Variants in CHRNA7 observed in about 807,000 individuals in gnomAD.
The protein encoded by CHRNA7 is neuronal acetylcholine receptor subunit alpha-7.
A neutral mutation model predicts 48.0 loss-of-function variants in CHRNA7; 17 were observed. That is an observed-to-expected ratio of 0.35 (90% confidence interval 0.24 to 0.53). The LOEUF is 0.53. CHRNA7 is among the 20% of genes least tolerant of loss of function. The pLI, the probability that CHRNA7 is intolerant of heterozygous loss-of-function variation, is 0.92. For synonymous variants in CHRNA7, 75 were observed against 242.3 expected (o/e 0.31, Z 6.41); for missense variants, 155 against 577.7 (o/e 0.27, Z 7.50).
chr15:32,114,221 G>A (rs2050829184), intron 4 of CHRNA7, among the ~76,000 whole-genome samples: 1 of 151,598 alleles, frequency 6.6e-6, no homozygotes, highest in African/African-American at 2.4e-5. Flanking sequence ...GGTTACAAGA[G>A]GCAGTTTATA....
chr15:32,148,287 G>A (rs1472045893), intron 4 of CHRNA7, among the ~76,000 whole-genome samples: 2 of 152,146 alleles, frequency 1.3e-5, no homozygotes, highest in African/African-American at 4.8e-5. Context: ...AGTTGGTCTT[G>A]CTGGACTTCT....
At chr15:32,063,901 A>G (rs1205179069) in intron 2 of CHRNA7, among the ~76,000 whole-genome samples, 1 of 152,192 alleles carries the variant, frequency 6.6e-6, no homozygotes, top group African/African-American at 2.4e-5. Context: ...GCCATTCTCC[A>G]TTTGTGGATC....
intron 2 of CHRNA7, among the ~76,000 whole-genome samples, chr15:32,077,873 T>G (rs1606660): frequency 0.81 from 123,270 of 152,062 alleles, 51,227 homozygotes; most frequent in Non-Finnish European, 0.91. Flanking sequence ...TAGCACTCAC[T>G]GCTCTTATGG....
chr15:32,123,873 T>C (rs978547418), intron 4 of CHRNA7, among the ~76,000 whole-genome samples: 1 of 151,748 alleles, frequency 6.6e-6, no homozygotes, highest in Non-Finnish European at 1.5e-5. Context: ...TCATCTGTCT[T>C]TTGTCAGTTT....
chr15:32,083,169 G>T (rs1336272843), intron 2 of CHRNA7, among the ~76,000 whole-genome samples: 3 of 152,148 alleles, frequency 2.0e-5, no homozygotes, highest in Non-Finnish European at 4.4e-5. Flanking sequence ...CTGGGAAGTG[G>T]GCCTAATAGG....
intron 2 of CHRNA7, among the ~76,000 whole-genome samples, chr15:32,071,067 CT>C (rs1445873457): frequency 1.3e-5 from 2 of 152,068 alleles, no homozygotes; most frequent in African/African-American, 2.4e-5. Context: ...CATTGAATTG[CT>C]TTTGCACATC....
At chr15:32,112,569 T>C (rs1261092962) in intron 4 of CHRNA7, among the ~76,000 whole-genome samples, 1 of 152,216 alleles carries the variant, frequency 6.6e-6, no homozygotes, top group Non-Finnish European at 1.5e-5. Flanking sequence ...CTCGTTAAAC[T>C]GCATAGTCAA....
At chr15:32,030,802 G>C (rs1403228240) in intron 1 of CHRNA7, 96 bp from the exon 2 acceptor site, 4 of 1,524,046 alleles carry the variant, frequency 2.6e-6, no homozygotes, top group Non-Finnish European at 3.5e-6. Context: ...TGTCTGGGCT[G>C]CACCGGGTGG....
chr15:32,087,801 T>TTG (rs2050322494), intron 2 of CHRNA7, among the ~76,000 whole-genome samples: 1 of 152,348 alleles, frequency 6.6e-6, no homozygotes, highest in East Asian at 1.9e-4. Context: ...GATACACAGT[T>TTG]CCTTGCAGAA....
At position 32,071,381 on chromosome 15, in the gene CHRNA7, A is replaced by G. The variant is rs887914354; in HGVS notation, c.196-29922A>G. Reference sequence around the variant, plus strand: ...TTTGAGGAATGTTAGCATATTTATTATATTATTTCAGTTTGTGAATATGTC... The same window carrying G: ...TTTGAGGAATGTTAGCATATTTATTGTATTATTTCAGTTTGTGAATATGTC... On this transcript the variant is annotated intron_variant, in intron 2 of 9. Transcript: ENST00000306901. Among the ~76,000 whole-genome samples the G allele has an allele frequency of 2.0e-5, 3 of 152,264 alleles. No individual in the cohort carries two copies. The East Asian group carries it at 5.8e-4, about 29-fold the overall frequency.
intron 3 of CHRNA7, chr15:32,111,473 A>T (rs1319240013): frequency 1.3e-5 from 3 of 238,024 alleles, no homozygotes; most frequent in Non-Finnish European, 2.4e-5. Flanking sequence ...CAAAACAGTT[A>T]TTCATTTGGC....
chr15:32,082,065 A>C (rs141646110), intron 2 of CHRNA7, among the ~76,000 whole-genome samples: 69 of 152,148 alleles, frequency 4.5e-4, no homozygotes, highest in Middle Eastern at 3.4e-3. Context: ...AATGAATAAT[A>C]CTTTGTCATT....
intron 2 of CHRNA7, among the ~76,000 whole-genome samples, chr15:32,077,904 C>G (rs541715973): frequency 6.6e-6 from 1 of 152,154 alleles, no homozygotes. Flanking sequence ...AGTGGTAACT[C>G]ATTACCAGGA....
In CHRNA7 at chr15:32,109,155, A is replaced by G. The variant is rs573467488; in HGVS notation, c.241-2635A>G. Among the ~76,000 whole-genome samples, 61 of 152,322 alleles carry G rather than the reference A, an allele frequency of 4.0e-4. No homozygotes were observed. In the South Asian group the frequency reaches 9.9e-3, roughly 25 times the overall value. The stretch of plus-strand genomic sequence containing the variant: ...CAGCCCCGAAGGCTGCTGGTTGCCC[A>G]TTTTTATGGTTATTTCTTGATAGGC... On this transcript the variant is annotated intron_variant, in intron 3 of 9. Transcript: ENST00000306901.
Position 32,103,987 on chromosome 15 carries a change from C to T in CHRNA7, c.240+2640C>T, listed in dbSNP as rs1047654927. Among the ~76,000 whole-genome samples the T allele has an allele frequency of 3.9e-5, 6 of 152,178 alleles. No homozygotes were observed. The South Asian group carries it at 8.3e-4, about 21-fold the overall frequency. On this transcript the variant is annotated intron_variant, in intron 3 of 9. Coordinates refer to ENST00000306901, the MANE Select transcript of CHRNA7 (RefSeq NM_000746.6). ...CCTGGTCTACATGGGTGTCATCTCTCACCTCCATTATTAGGAGTCCCCATC... is the reference window on the plus strand; with the variant it reads ...CCTGGTCTACATGGGTGTCATCTCTTACCTCCATTATTAGGAGTCCCCATC...
intron 4 of CHRNA7, among the ~76,000 whole-genome samples, chr15:32,142,846 T>C (rs575652077): frequency 2.0e-5 from 3 of 152,332 alleles, no homozygotes; most frequent in African/African-American, 7.2e-5. Context: ...TCTGTCTATT[T>C]TGTTGATCTT....
At chr15:32,150,042 AT>A (rs910538686) in intron 4 of CHRNA7, among the ~76,000 whole-genome samples, 45 of 152,082 alleles carry the variant, frequency 3.0e-4, no homozygotes, top group African/African-American at 1.1e-3. Flanking sequence ...TATTTCAAAA[AT>A]ATTTATGTTT....
chr15:32,057,223 C>T (rs1394915698), intron 2 of CHRNA7, among the ~76,000 whole-genome samples: 3 of 152,184 alleles, frequency 2.0e-5, no homozygotes, highest in Non-Finnish European at 4.4e-5. Context: ...AGATAGTCTC[C>T]AGCCAGTGGC....
rs905039503 is a variant in CHRNA7 at position 32,030,902 on chromosome 15, C to G, written c.60C>G (p.Ser20=). Residue 20 remains serine (S), a synonymous_variant, in exon 2 of 10, where the codon TCC becomes TCG. Coordinates refer to ENST00000306901, the MANE Select transcript of CHRNA7 (RefSeq NM_000746.6). ...CCCGGGTCTTCTCTCCTTAAGTGTC[C>G]CTGCAAGGCGAGTTCCAGAGGAAGC... ...LALAASLLHV[S]LQGEFQRKLY... is the part of the protein sequence containing the mutation. The G allele has an allele frequency of 6.2e-7, 1 of 1,613,820 alleles. No individual in the cohort carries two copies. Among genetic ancestry groups the G allele is most frequent in the African/African-American group, 1.3e-5 (1 of 74,946 alleles).
Sources: gnomAD v4.1 joint callset for allele counts (sites outside exome capture counted in the v4.1 genomes callset) on GRCh38, gnomAD v4.1.1 for gene constraint, MANE v1.5 for transcripts, NCBI Gene and HGNC (gene_info 2026-07-23, HGNC 2026-07-21) for gene names.